Variants in CNTN3 observed in about 807,000 individuals in gnomAD.
The protein encoded by CNTN3 is contactin-3.
In CNTN3, 60 loss-of-function variants were observed where a neutral mutation model predicts 119.1. The observed-to-expected ratio is 0.50, with a 90% CI of 0.41 to 0.62. The LOEUF is 0.62. CNTN3 is among the 20% of genes least tolerant of loss of function. The pLI, the probability that CNTN3 is intolerant of heterozygous loss-of-function variation, is 0.00. For missense variants in CNTN3, 1,101 were observed against 1,242.4 expected, an observed-to-expected ratio of 0.89 and a Z score of 1.71; for synonymous variants, 450 against 438.7, an observed-to-expected ratio of 1.03 and a Z score of -0.32.
At position 74,365,577 on chromosome 3, in the gene CNTN3, G is replaced by A; in HGVS notation, c.1072C>T (p.Leu358=). 6.2e-7 allele frequency: 1 copy of A among 1,613,334 alleles called. No homozygotes were observed. The highest frequency in any genetic ancestry group is 8.5e-7 in the Non-Finnish European group (1 of 1,179,470). The change falls in exon 9 of 23, where the codon CTG becomes TTG. Residue 358 remains leucine (L), a synonymous_variant. Coordinates refer to ENST00000263665, the MANE Select transcript of CNTN3 (RefSeq NM_020872.3). The stretch of plus-strand genomic sequence containing the variant: ...CCATGTTACCTTACCTCTAGCACCA[G>A]GGCTGCTCCATTTTTCAGCCATCGG... ...SYRWLKNGAA[L]VLEERTQIEN...
At chr3:74,356,794 T>C (rs1258130071) in intron 11 of CNTN3, among the ~76,000 whole-genome samples, 1 of 152,132 alleles carries the variant, frequency 6.6e-6, no homozygotes, top group Admixed American at 6.5e-5. Context: ...ACAACTCTCA[T>C]TTCTTCAAAG....
intron 1 of CNTN3, among the ~76,000 whole-genome samples, chr3:74,605,822 A>G (rs1704982276): frequency 6.6e-6 from 1 of 152,178 alleles, no homozygotes; most frequent in Non-Finnish European, 1.5e-5. Flanking sequence ...TTCAAATTCA[A>G]TAGGCTAACT....
At position 74,334,799 on chromosome 3, in the gene CNTN3, C is replaced by T. The variant is rs761534481; in HGVS notation, c.1604G>A (p.Trp535Ter). Residue 535 changes from tryptophan (W) to a stop codon, truncating the protein, a stop_gained, in exon 13 of 23, where the codon TGG (tryptophan) becomes TAG (stop). Coordinates refer to ENST00000263665, the MANE Select transcript of CNTN3 (RefSeq NM_020872.3). LOFTEE classifies it high-confidence loss of function. ...ATCTGCAAGGGCCCCATTGAAATACCAGGTAAAGATGATGTCTAACAGCGG... is the reference window on the plus strand; with the variant it reads ...ATCTGCAAGGGCCCCATTGAAATACTAGGTAAAGATGATGTCTAACAGCGG... ...HDPLLDIIFT[W>*]YFNGALADFK... 2 of 1,613,554 alleles carry T rather than the reference C, an allele frequency of 1.2e-6. No homozygotes were observed. The highest frequency in any genetic ancestry group is 2.2e-5 in the South Asian group (2 of 91,036).
In CNTN3 at chr3:74,359,170, T is replaced by C. The variant is rs141917378; in HGVS notation, c.1364+2720A>G. On this transcript the variant is annotated intron_variant, in intron 11 of 22. Coordinates refer to ENST00000263665, the MANE Select transcript of CNTN3 (RefSeq NM_020872.3). ...GCCTGCATCCCTGCTGAATGGAGAG[T>C]CCAGGTAGCCTTGACTGTCAGCCTT... Among the ~76,000 whole-genome samples, 222 of 152,058 alleles carry C rather than the reference T, an allele frequency of 1.5e-3. 2 individuals are homozygous for C. The highest frequency in any genetic ancestry group is 2.1e-3 in the Non-Finnish European group (145 of 67,960).
At chr3:74,613,463 C>A (rs1705116164) in intron 1 of CNTN3, among the ~76,000 whole-genome samples, 1 of 152,122 alleles carries the variant, frequency 6.6e-6, no homozygotes, top group African/African-American at 2.4e-5. Flanking sequence ...TTTCCCAGAG[C>A]TCTGTTCCCC....
At chr3:74,287,835 T>A (rs1474109675) in intron 19 of CNTN3, among the ~76,000 whole-genome samples, 1 of 152,184 alleles carries the variant, frequency 6.6e-6, no homozygotes, top group Admixed American at 6.5e-5. Flanking sequence ...CTTTGCCTAA[T>A]AAAGAATACA....
At chr3:74,419,944 G>A (rs553764631) in intron 5 of CNTN3, among the ~76,000 whole-genome samples, 1 of 152,224 alleles carries the variant, frequency 6.6e-6, no homozygotes, top group African/African-American at 2.4e-5. Context: ...TAATTAACAC[G>A]AACTCCCAGC....
intron 1 of CNTN3, among the ~76,000 whole-genome samples, chr3:74,570,095 G>A (rs1336079795): frequency 6.6e-6 from 1 of 152,112 alleles, no homozygotes; most frequent in African/African-American, 2.4e-5. Context: ...TCCAACAAGG[G>A]TGGGCTTGCC....
intron 1 of CNTN3, among the ~76,000 whole-genome samples, chr3:74,526,785 C>T (rs1703626084): frequency 6.6e-6 from 1 of 151,874 alleles, no homozygotes; most frequent in Non-Finnish European, 1.5e-5. Context: ...CTCCCATGAA[C>T]ACCTACAGCA....
intron 3 of CNTN3, among the ~76,000 whole-genome samples, chr3:74,497,024 A>C (rs116632196): frequency 0.02 from 3,002 of 152,110 alleles, 90 homozygotes; most frequent in African/African-American, 0.069. Context: ...TGAATCCTTA[A>C]AAACATGTTT....
rs752563566 is a variant in CNTN3, at chr3:74,521,107, C to T, written c.6G>A (p.Met2Ile). Residue 2 changes from methionine (M) to isoleucine (I), a missense_variant, in exon 2 of 23, where the codon ATG (methionine) becomes ATA (isoleucine). Coordinates refer to ENST00000263665, the MANE Select transcript of CNTN3 (RefSeq NM_020872.3). ...GCAGGATCAACTGTTTCCATGGAAA[C>T]ATCATCTTTAATTGCCAAATGCAAG... M[M>I]FPWKQLILLS... The T allele has an allele frequency of 5.6e-6, 9 of 1,594,548 alleles. No homozygotes were observed. The highest frequency in any genetic ancestry group is 1.4e-5 in the African/African-American group (1 of 73,702).
intron 4 of CNTN3, among the ~76,000 whole-genome samples, chr3:74,469,730 A>T (rs1461054266): frequency 2.6e-5 from 4 of 152,166 alleles, no homozygotes; most frequent in African/African-American, 7.2e-5. Flanking sequence ...AGGAGATGGA[A>T]CCCTCAAATA....
At chr3:74,317,585 C>T (rs1702867643) in intron 13 of CNTN3, among the ~76,000 whole-genome samples, 1 of 151,980 alleles carries the variant, frequency 6.6e-6, no homozygotes, top group Admixed American at 6.6e-5. Context: ...TTTATTTCTC[C>T]TTCACTTATG....
chr3:74,371,048 T>G, intron 6 of CNTN3, 148 bp downstream of exon 6: 1 of 630,228 alleles, frequency 1.6e-6, no homozygotes, highest in Non-Finnish European at 2.8e-6. Flanking sequence ...ATCAAATCAT[T>G]TTTGTCATTG....
intron 13 of CNTN3, among the ~76,000 whole-genome samples, chr3:74,314,287 T>C (rs572960654): frequency 6.6e-6 from 1 of 152,238 alleles, no homozygotes; most frequent in Admixed American, 6.5e-5. Flanking sequence ...GTAAGAAATA[T>C]GATAGAAATT....
chr3:74,415,551 A>T (rs77082640), intron 5 of CNTN3, among the ~76,000 whole-genome samples: 322 of 152,306 alleles, frequency 2.1e-3, no homozygotes, highest in African/African-American at 6.8e-3. Context: ...ACATACACAC[A>T]TATCATCCTA....
At chr3:74,525,511 A>G (rs1703606959) in intron 1 of CNTN3, among the ~76,000 whole-genome samples, 1 of 151,934 alleles carries the variant, frequency 6.6e-6, no homozygotes, top group African/African-American at 2.4e-5. Context: ...CAAAGCTAAA[A>G]TAAATACAAA....
chr3:74,392,186 G>A lies in CNTN3; in HGVS notation c.455-20787C>T, dbSNP rs539453678. 4.1e-4 allele frequency among the ~76,000 whole-genome samples: 63 copies of A among 152,294 alleles called. 1 individual carries two copies. Among genetic ancestry groups the A allele is most frequent in the African/African-American group, 1.4e-3 (60 of 41,570 alleles). On this transcript the variant is annotated intron_variant, in intron 5 of 22. Transcript: ENST00000263665. ...ATAAACTAGGTTCCAAGAATGTGAAGTATTTAATTCAAGGACATTAATTAA... is the reference window on the plus strand; with the variant it reads ...ATAAACTAGGTTCCAAGAATGTGAAATATTTAATTCAAGGACATTAATTAA...
chr3:74,356,128 G>T lies in CNTN3; in HGVS notation c.1364+5762C>A, dbSNP rs146339872. Among the ~76,000 whole-genome samples, 165 of 152,118 alleles carry T rather than the reference G, an allele frequency of 1.1e-3. 2 individuals are homozygous for T. The East Asian group carries it at 0.025, about 23-fold the overall frequency. The stretch of plus-strand genomic sequence containing the variant: ...AAAAGAGATTGAATGGAGCTGCCTT[G>T]CCCCTTCTACCATGTGAGGATGCAG... On this transcript the variant is annotated intron_variant, in intron 11 of 22. Coordinates refer to ENST00000263665, the MANE Select transcript of CNTN3 (RefSeq NM_020872.3).
Sources: allele counts gnomAD v4.1 joint callset (sites outside exome capture counted in the v4.1 genomes callset), GRCh38; gene constraint gnomAD v4.1.1; transcripts MANE v1.5; gene names NCBI Gene and HGNC (gene_info 2026-07-23, HGNC 2026-07-21).